Variants in FGF14 observed in about 807,000 individuals in gnomAD.
The protein encoded by FGF14 is fibroblast growth factor 14.
FGF14 carries 5 observed loss-of-function variants against 25.5 expected under a neutral mutation model. The ratio of observed to expected loss-of-function variants is 0.20; its 90% confidence interval spans 0.10 to 0.41. The LOEUF (loss-of-function observed/expected upper bound fraction) is 0.41. FGF14 is among the 10% of genes least tolerant of loss of function. The pLI is 1.00. For missense variants in FGF14, 222 were observed against 320.1 expected, an observed-to-expected ratio of 0.69 and a Z score of 2.34; for synonymous variants, 138 against 118.3, an observed-to-expected ratio of 1.17 and a Z score of -1.08.
chr13:102,394,658 C>A (rs2058529298), intron 1 of FGF14: 1 of 152,428 alleles, frequency 6.6e-6, no homozygotes, highest in African/African-American at 2.4e-5. Context: ...CGAGCCGAGG[C>A]TGGGAGCGCG....
chr13:102,300,710 G>C (rs1164958741), intron 1 of FGF14, among the ~76,000 whole-genome samples: 1 of 151,908 alleles, frequency 6.6e-6, no homozygotes, highest in African/African-American at 2.4e-5. Flanking sequence ...ACCATATCTG[G>C]CACAAGAAGA....
chr13:102,206,261 G>A (rs2049919052), intron 1 of FGF14, among the ~76,000 whole-genome samples: 1 of 151,884 alleles, frequency 6.6e-6, no homozygotes. Context: ...ATTCTGTGAA[G>A]CTCCCACATC....
At chr13:102,095,999 G>GTATATATATATA (rs1180718754) in intron 1 of FGF14, among the ~76,000 whole-genome samples, 1 of 89,564 alleles carries the variant, frequency 1.1e-5, no homozygotes, top group African/African-American at 2.7e-5. Flanking sequence ...GTGTGTGTGT[G>GTATATATATATA]TGTATATATA....
At chr13:102,004,367 A>T (rs2039668317) in intron 1 of FGF14, among the ~76,000 whole-genome samples, 1 of 152,172 alleles carries the variant, frequency 6.6e-6, no homozygotes, top group African/African-American at 2.4e-5. Flanking sequence ...ACCAGACTGG[A>T]ATGTACTAGG....
In FGF14 at chr13:102,326,480, G is replaced by A. The variant is rs552237996; in HGVS notation, c.208+74991C>T. Reference sequence around the variant, plus strand: ...AGTGATTGGTAAATAAATAATGAATGGTATAAATATTTAGCACTACTTCCT... The same window carrying A: ...AGTGATTGGTAAATAAATAATGAATAGTATAAATATTTAGCACTACTTCCT... On this transcript the variant is annotated intron_variant, in intron 1 of 4. Coordinates refer to the FGF14 transcript ENST00000376131. 7.9e-5 allele frequency among the ~76,000 whole-genome samples: 12 copies of A among 151,986 alleles called. No individual in the cohort carries two copies. The East Asian group carries it at 1.9e-3, about 24-fold the overall frequency.
intron 1 of FGF14, among the ~76,000 whole-genome samples, chr13:102,105,641 A>C (rs1330364764): frequency 6.6e-6 from 1 of 152,236 alleles, no homozygotes; most frequent in Non-Finnish European, 1.5e-5. Context: ...GTGGGACATG[A>C]AAACTGTTTC....
chr13:102,199,816 C>T (rs779360524), intron 1 of FGF14, among the ~76,000 whole-genome samples: 2 of 152,164 alleles, frequency 1.3e-5, no homozygotes, highest in Non-Finnish European at 1.5e-5. Context: ...GTGCCACATG[C>T]CAGACTTTAG....
At chr13:101,996,328 G>T (rs944003121) in intron 1 of FGF14, among the ~76,000 whole-genome samples, 10 of 152,110 alleles carry the variant, frequency 6.6e-5, no homozygotes, top group Non-Finnish European at 1.3e-4. Context: ...TTGTGTTGAT[G>T]GAGAAACTTT....
In FGF14 at chr13:101,811,324, T is replaced by C. The variant is rs527498020; in HGVS notation, c.408+57401A>G. ...ATGGATCTTTTTCCTGTCTCTATCA[T>C]TGTGCTCTTTCCAGAATGTCATATA... On this transcript the variant is annotated intron_variant, in intron 3 of 4. Transcript: ENST00000376143. Among the ~76,000 whole-genome samples the C allele has an allele frequency of 1.3e-3, 203 of 152,328 alleles. 7 individuals are homozygous for C. The South Asian group carries it at 0.041, about 31-fold the overall frequency.
intron 1 of FGF14, among the ~76,000 whole-genome samples, chr13:102,098,258 T>C (rs2044498790): frequency 6.6e-6 from 1 of 152,236 alleles, no homozygotes; most frequent in Admixed American, 6.5e-5. Flanking sequence ...GTTTGCTTTT[T>C]TATTTAGCAC....
chr13:102,231,497 G>A (rs187666893), intron 1 of FGF14, among the ~76,000 whole-genome samples: 58 of 152,220 alleles, frequency 3.8e-4, no homozygotes, highest in Non-Finnish European at 6.6e-4. Flanking sequence ...CAGCTTCATC[G>A]ATAGAATTAA....
At chr13:101,888,446 A>ATG (rs140919969) in intron 1 of FGF14, among the ~76,000 whole-genome samples, 31 of 151,978 alleles carry the variant, frequency 2.0e-4, no homozygotes, top group East Asian at 5.8e-4. Context: ...ATATACATGA[A>ATG]TGTGTGTGTG....
At chr13:102,221,817 C>T (rs756536135) in intron 1 of FGF14, among the ~76,000 whole-genome samples, 4 of 152,152 alleles carry the variant, frequency 2.6e-5, no homozygotes, top group Non-Finnish European at 5.9e-5. Flanking sequence ...AATTTCCTAA[C>T]TAGACTACAA....
chr13:102,305,830 G>C (rs182923015), intron 1 of FGF14, among the ~76,000 whole-genome samples: 11 of 152,220 alleles, frequency 7.2e-5, no homozygotes. Context: ...TGCACCTAAG[G>C]TTGCCAATAT....
rs58615099 is a variant in FGF14 at position 101,816,269 on chromosome 13, C to CAA, written c.408+52454_408+52455dup. 5.5e-3 allele frequency among the ~76,000 whole-genome samples: 494 copies of CAA among 89,034 alleles called. 21 individuals carry two copies. Among genetic ancestry groups the CAA allele is most frequent in the African/African-American group, 0.017 (351 of 20,140 alleles). The allele number at this position is 89,034 out of a possible 152,430, so 58.4% of individuals were successfully genotyped here. On this transcript the variant is annotated intron_variant, in intron 3 of 4. Transcript: ENST00000376143. ...TGGGGAACAGAGAGAGACTCCGTCT[C>CAA]AAAAAAAAAAAAAAAATTTGGCTTA...
intron 3 of FGF14, among the ~76,000 whole-genome samples, chr13:101,808,722 C>A (rs1359989224): frequency 6.6e-6 from 1 of 151,928 alleles, no homozygotes; most frequent in African/African-American, 2.4e-5. Context: ...AGAGATTGAG[C>A]TAACCTATTA....
chr13:101,866,836 T>G (rs909125284), intron 3 of FGF14, among the ~76,000 whole-genome samples: 2 of 152,168 alleles, frequency 1.3e-5, no homozygotes, highest in Non-Finnish European at 2.9e-5. Flanking sequence ...AGACATACAG[T>G]GGCCTGGCCT....
At chr13:101,921,354 T>C (rs2033991107), upstream of FGF14, among the ~76,000 whole-genome samples, 1 of 152,208 alleles carries the variant, frequency 6.6e-6, no homozygotes, top group Non-Finnish European at 1.5e-5. Context: ...GATAGGTAAG[T>C]GTCTCATGCT....
At chr13:102,387,234 G>T (rs2058325525) in intron 1 of FGF14, among the ~76,000 whole-genome samples, 1 of 152,108 alleles carries the variant, frequency 6.6e-6, no homozygotes, top group Non-Finnish European at 1.5e-5. Flanking sequence ...TATAAATTTT[G>T]TGTCATTCTT....
Sources: gnomAD v4.1 joint callset for allele counts (sites outside exome capture counted in the v4.1 genomes callset) on GRCh38, gnomAD v4.1.1 for gene constraint, MANE v1.5 for transcripts, NCBI Gene and HGNC (gene_info 2026-07-23, HGNC 2026-07-21) for gene names.